PHACTR1: variants seen among roughly 807,000 people sequenced by gnomAD.
PHACTR1 encodes RPEL repeat containing 1.
In PHACTR1, 16 loss-of-function variants were observed where a neutral mutation model predicts 69.2. The ratio of observed to expected loss-of-function variants is 0.23; its 90% CI spans 0.16 to 0.35. PHACTR1 has a LOEUF of 0.35. PHACTR1 is among the 10% of genes least tolerant of loss of function. The pLI is 1.00. For synonymous variants in PHACTR1, 312 were observed against 284.5 expected (o/e 1.10, Z -0.97); for missense variants, 510 against 734.7 (o/e 0.69, Z 3.54).
intron 7 of PHACTR1, among the ~76,000 whole-genome samples, chr6:13,201,150 A>G (rs1765182012): frequency 6.6e-6 from 1 of 152,030 alleles, no homozygotes; most frequent in Non-Finnish European, 1.5e-5. Flanking sequence ...GCCATCCAGG[A>G]ACTAGCTGGG....
chr6:13,053,858 A>G (rs2127737530), intron 5 of PHACTR1, among the ~76,000 whole-genome samples: 1 of 152,298 alleles, frequency 6.6e-6, no homozygotes, highest in South Asian at 2.1e-4. Flanking sequence ...TATTATATTC[A>G]TTGTTATTTT....
intron 4 of PHACTR1, among the ~76,000 whole-genome samples, chr6:12,868,172 G>A (rs1052363726): frequency 7.9e-5 from 12 of 151,258 alleles, no homozygotes; most frequent in East Asian, 3.9e-4. Flanking sequence ...CAGGAGAATC[G>A]CTTGAACCAG....
chr6:13,008,807 A>T (rs1051441532), intron 4 of PHACTR1, among the ~76,000 whole-genome samples: 4 of 152,260 alleles, frequency 2.6e-5, no homozygotes, highest in Non-Finnish European at 5.9e-5. Context: ...GGAAAAAAAT[A>T]GATGCTATTC....
chr6:12,953,199 T>C (rs992684621), intron 4 of PHACTR1, among the ~76,000 whole-genome samples: 3 of 152,194 alleles, frequency 2.0e-5, no homozygotes, highest in Non-Finnish European at 4.4e-5. Context: ...GGCTGGCACC[T>C]GTAATCCCAG....
intron 10 of PHACTR1, among the ~76,000 whole-genome samples, chr6:13,248,899 G>A (rs1013718162): frequency 4.6e-5 from 7 of 152,118 alleles, no homozygotes; most frequent in African/African-American, 9.7e-5. Context: ...CATCAAAATC[G>A]CGTGCCAACT....
chr6:12,797,779 G>A (rs1773225083), intron 4 of PHACTR1, among the ~76,000 whole-genome samples: 1 of 152,056 alleles, frequency 6.6e-6, no homozygotes. Context: ...TGGGGGTTTT[G>A]TGCCACCTGT....
At chr6:12,883,400 A>G (rs771184825) in intron 4 of PHACTR1, among the ~76,000 whole-genome samples, 32 of 152,014 alleles carry the variant, frequency 2.1e-4, no homozygotes, top group Admixed American at 1.5e-3. Context: ...TTTGTAGCAG[A>G]GAGAGGGTTT....
intron 5 of PHACTR1, among the ~76,000 whole-genome samples, chr6:13,144,770 C>CAAAA (rs1355659351): frequency 1.2e-4 from 2 of 17,372 alleles, no homozygotes; most frequent in African/African-American, 2.7e-4. Flanking sequence ...GACCCTGTCT[C>CAAAA]AGAAAAAAAA....
intron 4 of PHACTR1, among the ~76,000 whole-genome samples, chr6:12,754,403 G>T (rs1767037116): frequency 1.3e-5 from 2 of 152,086 alleles, no homozygotes; most frequent in South Asian, 4.1e-4. Context: ...TTTTGTTACT[G>T]ATTGTAAATT....
intron 5 of PHACTR1, among the ~76,000 whole-genome samples, chr6:13,097,389 A>G (rs1399504394): frequency 3.9e-5 from 6 of 152,152 alleles, no homozygotes; most frequent in Non-Finnish European, 5.9e-5. Flanking sequence ...CAGAAATAGT[A>G]TAAAGGAATG....
chr6:12,958,467 C>T (rs971442446), intron 4 of PHACTR1, among the ~76,000 whole-genome samples: 2 of 152,102 alleles, frequency 1.3e-5, no homozygotes, highest in Non-Finnish European at 2.9e-5. Flanking sequence ...AAAGGAAAGA[C>T]GACTTGGAAA....
intron 4 of PHACTR1, among the ~76,000 whole-genome samples, chr6:12,985,048 T>C (rs1219920650): frequency 1.3e-5 from 2 of 152,194 alleles, no homozygotes; most frequent in African/African-American, 2.4e-5. Flanking sequence ...ACCACAATAT[T>C]CCACTAGTAT....
chr6:12,868,489 G>A (rs906588212), intron 4 of PHACTR1, among the ~76,000 whole-genome samples: 1 of 152,082 alleles, frequency 6.6e-6, no homozygotes, highest in African/African-American at 2.4e-5. Context: ...GGATTGGCTG[G>A]GAGACAGTCC....
chr6:12,804,810 T>C (rs1023094024), intron 4 of PHACTR1, among the ~76,000 whole-genome samples: 2 of 152,120 alleles, frequency 1.3e-5, no homozygotes, highest in Non-Finnish European at 2.9e-5. Context: ...AAATAAAAAA[T>C]ATTTTATTAA....
chr6:13,207,060 CAT>C (rs1375160002), intron 8 of PHACTR1, among the ~76,000 whole-genome samples: 2 of 151,794 alleles, frequency 1.3e-5, no homozygotes, highest in Non-Finnish European at 2.9e-5. Flanking sequence ...CACACACACA[CAT>C]GCATGCACAC....
intron 5 of PHACTR1, among the ~76,000 whole-genome samples, chr6:13,082,048 A>AACATTT (rs1811474044): frequency 2.0e-5 from 3 of 152,202 alleles, no homozygotes; most frequent in Admixed American, 2.0e-4. Context: ...ACTTAAAGGA[A>AACATTT]AGAACAATTA....
At chr6:13,260,774 AAG>A (rs1437476087) in intron 10 of PHACTR1, among the ~76,000 whole-genome samples, 5 of 152,192 alleles carry the variant, frequency 3.3e-5, no homozygotes, top group African/African-American at 4.8e-5. Context: ...AGGAAATATT[AAG>A]AGAGAAATAT....
chr6:13,274,665 G>C (rs1430817377), intron 11 of PHACTR1: 1 of 152,238 alleles, frequency 6.6e-6, no homozygotes, highest in Non-Finnish European at 1.5e-5. Context: ...TCAGCTCTGG[G>C]CTCTCTCAAA....
chr6:13,084,648 C>T (rs1811984778), intron 5 of PHACTR1, among the ~76,000 whole-genome samples: 1 of 151,452 alleles, frequency 6.6e-6, no homozygotes. Flanking sequence ...AAATAAGTGC[C>T]CCTTATTTAA....
Sources: gnomAD v4.1 joint callset for allele counts (sites outside exome capture counted in the v4.1 genomes callset) on GRCh38, gnomAD v4.1.1 for gene constraint, MANE v1.5 for transcripts, NCBI Gene and HGNC (gene_info 2026-07-23, HGNC 2026-07-21) for gene names.